ENTREP2: variants seen among roughly 807,000 people sequenced by gnomAD.
ENTREP2 encodes protein ENTREP2.
the ENTREP2 span, among the ~76,000 whole-genome samples, chr15:29,224,750 G>A: frequency 7.9e-5 from 12 of 152,200 alleles, no homozygotes; most frequent in Admixed American, 2.6e-4. Context: ...ATCCGGCACC[G>A]GGCCGCAGGT....
the ENTREP2 span, among the ~76,000 whole-genome samples, chr15:29,476,727 C>T: frequency 6.6e-6 from 1 of 152,312 alleles, no homozygotes; most frequent in South Asian, 2.1e-4. Context: ...CTCACACTTC[C>T]CTAGAGTAGA....
At chr15:29,268,858 C>G in the ENTREP2 span, 11 of 1,614,168 alleles carry the variant, frequency 6.8e-6, no homozygotes, top group Non-Finnish European at 9.3e-6. Context: ...CAAAGCCTCA[C>G]AGTACTGCGC....
chr15:29,579,734 G>A, the ENTREP2 span, among the ~76,000 whole-genome samples: 5 of 108,708 alleles, frequency 4.6e-5, no homozygotes, highest in East Asian at 2.9e-4. Context: ...TTTTTGAGAC[G>A]GAGTCTCACT....
chr15:29,628,998 C>A, the ENTREP2 span, among the ~76,000 whole-genome samples: 1 of 152,180 alleles, frequency 6.6e-6, no homozygotes, highest in African/African-American at 2.4e-5. Context: ...GCTCTACCCG[C>A]CTCGGCCTCC....
At chr15:29,654,893 T>C in the ENTREP2 span, among the ~76,000 whole-genome samples, 1 of 148,858 alleles carries the variant, frequency 6.7e-6, no homozygotes, top group Non-Finnish European at 1.5e-5. Context: ...CAACAGGTTG[T>C]CCAAGTGGGA....
chr15:29,394,612 T>G, the ENTREP2 span, among the ~76,000 whole-genome samples: 2 of 152,172 alleles, frequency 1.3e-5, no homozygotes, highest in African/African-American at 4.8e-5. Flanking sequence ...CATTTTTAAG[T>G]GTACACTCAG....
chr15:29,123,037 G>A, the ENTREP2 span: 1 of 327,372 alleles, frequency 3.1e-6, no homozygotes, highest in Non-Finnish European at 5.7e-6. Flanking sequence ...GTGCAACACT[G>A]CTCAGTTCAA....
the ENTREP2 span, among the ~76,000 whole-genome samples, chr15:29,383,084 TCCCAACA>T: frequency 6.6e-6 from 1 of 151,962 alleles, no homozygotes; most frequent in Non-Finnish European, 1.5e-5. Flanking sequence ...CTTCCTGGTT[TCCCAACA>T]CCTGTCTCCT....
the ENTREP2 span, among the ~76,000 whole-genome samples, chr15:29,294,968 C>T: frequency 4.6e-5 from 7 of 152,192 alleles, no homozygotes; most frequent in East Asian, 3.9e-4. Context: ...AGAAGGCTGT[C>T]GGTGCTGCAA....
At chr15:29,619,703 C>T in the ENTREP2 span, among the ~76,000 whole-genome samples, 1 of 152,094 alleles carries the variant, frequency 6.6e-6, no homozygotes, top group Admixed American at 6.5e-5. Flanking sequence ...CTTGGAGCTT[C>T]ACTCTCTTGT....
the ENTREP2 span, among the ~76,000 whole-genome samples, chr15:29,608,566 A>T: frequency 1.4e-5 from 2 of 146,296 alleles, no homozygotes; most frequent in South Asian, 4.3e-4. Flanking sequence ...TATTATTATT[A>T]TTTTTTGAGA....
chr15:29,136,136 T>G, the ENTREP2 span, among the ~76,000 whole-genome samples: 16 of 152,242 alleles, frequency 1.1e-4, no homozygotes, highest in Admixed American at 9.2e-4. Context: ...TCTCTGAGCC[T>G]GTGGCCTCAT....
chr15:29,411,279 T>C, the ENTREP2 span, among the ~76,000 whole-genome samples: 2 of 152,206 alleles, frequency 1.3e-5, no homozygotes, highest in African/African-American at 4.8e-5. Flanking sequence ...CCAAGTTGTA[T>C]TCCACTGTAT....
the ENTREP2 span, among the ~76,000 whole-genome samples, chr15:29,379,277 C>T: frequency 6.6e-6 from 1 of 152,200 alleles, no homozygotes; most frequent in African/African-American, 2.4e-5. Flanking sequence ...TTGCCAGGTC[C>T]CTGAGCCCCT....
chr15:29,582,235 G>A, the ENTREP2 span, among the ~76,000 whole-genome samples: 4 of 152,138 alleles, frequency 2.6e-5, no homozygotes, highest in Non-Finnish European at 5.9e-5. Flanking sequence ...TGGTATTGGA[G>A]CAAATGGACA....
At chr15:29,215,305 G>A in the ENTREP2 span, among the ~76,000 whole-genome samples, 1 of 152,128 alleles carries the variant, frequency 6.6e-6, no homozygotes, top group Admixed American at 6.5e-5. Flanking sequence ...GGCTGGGAAA[G>A]GCAGACCCAC....
the ENTREP2 span, among the ~76,000 whole-genome samples, chr15:29,599,256 A>C: frequency 6.6e-6 from 1 of 152,230 alleles, no homozygotes; most frequent in Non-Finnish European, 1.5e-5. Flanking sequence ...TAAGAGAAAT[A>C]ATAATGATGC....
chr15:29,351,570 T>G, the ENTREP2 span, among the ~76,000 whole-genome samples: 3 of 152,226 alleles, frequency 2.0e-5, no homozygotes, highest in African/African-American at 7.2e-5. Context: ...ACAATATCAA[T>G]AGCAACTAAC....
chr15:29,591,406 A>ATCCTACCTGCTACCTGT, the ENTREP2 span, among the ~76,000 whole-genome samples: 1 of 152,180 alleles, frequency 6.6e-6, no homozygotes, highest in Non-Finnish European at 1.5e-5. Flanking sequence ...AGCAGACCCC[A>ATCCTACCTGCTACCTGT]TATGTAGGGC....
Sources: allele counts gnomAD v4.1 joint callset (sites outside exome capture counted in the v4.1 genomes callset), GRCh38; gene constraint gnomAD v4.1.1; transcripts MANE v1.5; gene names NCBI Gene and HGNC (gene_info 2026-07-23, HGNC 2026-07-21).